Variants in ATRNL1 observed in about 807,000 individuals in gnomAD.
ATRNL1 encodes attractin-like protein 1.
A neutral mutation model predicts 182.7 loss-of-function variants in ATRNL1; 95 were observed. That is an observed-to-expected ratio of 0.52 (90% CI 0.44 to 0.62). The LOEUF is 0.62. Among genes scored for constraint, ATRNL1 ranks in the 20% least tolerant of loss-of-function variants. The pLI is 0.00. For synonymous variants in ATRNL1, 576 were observed against 568.3 expected, an observed-to-expected ratio of 1.01 and a Z score of -0.19; for missense variants, 1,471 against 1,679.5, an observed-to-expected ratio of 0.88 and a Z score of 2.17.
chr10:115,560,136 G>A (rs1853609186), intron 26 of ATRNL1, among the ~76,000 whole-genome samples: 1 of 152,056 alleles, frequency 6.6e-6, no homozygotes, highest in African/African-American at 2.4e-5. Flanking sequence ...ATTCAAAATA[G>A]CATCAATAAG....
At chr10:115,580,306 C>T (rs1292473221) in intron 26 of ATRNL1, among the ~76,000 whole-genome samples, 1 of 152,064 alleles carries the variant, frequency 6.6e-6, no homozygotes, top group Non-Finnish European at 1.5e-5. Flanking sequence ...GATAAACTTC[C>T]TCAGCTTTTG....
intron 5 of ATRNL1, among the ~76,000 whole-genome samples, chr10:115,142,945 A>G (rs1343129732): frequency 6.6e-6 from 1 of 152,182 alleles, no homozygotes; most frequent in Non-Finnish European, 1.5e-5. Flanking sequence ...TAGGAAGAAT[A>G]TTTGGTTATG....
intron 28 of ATRNL1, among the ~76,000 whole-genome samples, chr10:115,856,427 T>TAAAAAAAAAAAAA (rs1951183589): frequency 2.6e-3 from 1 of 384 alleles, no homozygotes; most frequent in Non-Finnish European, 9.3e-3. Flanking sequence ...AAGCTCCATC[T>TAAAAAAAAAAAAA]CAAAAAAAAA....
At chr10:115,810,896 T>C (rs976090071) in intron 27 of ATRNL1, among the ~76,000 whole-genome samples, 2 of 151,942 alleles carry the variant, frequency 1.3e-5, no homozygotes, top group Non-Finnish European at 2.9e-5. Context: ...TTGGTCTGTC[T>C]GGCTAGAGAT....
chr10:115,542,475 A>G (rs1852415447), intron 25 of ATRNL1, among the ~76,000 whole-genome samples: 2 of 152,070 alleles, frequency 1.3e-5, no homozygotes, highest in African/African-American at 4.8e-5. Context: ...TGCATCGTCA[A>G]TGTTTGGTAA....
intron 25 of ATRNL1, among the ~76,000 whole-genome samples, chr10:115,535,798 CT>C (rs1434780227): frequency 1.3e-5 from 2 of 152,030 alleles, no homozygotes; most frequent in Admixed American, 6.6e-5. Flanking sequence ...TGTGGATGTC[CT>C]TTCTGTTTGT....
intron 24 of ATRNL1, among the ~76,000 whole-genome samples, chr10:115,490,866 T>C (rs1232517738): frequency 6.6e-6 from 1 of 152,186 alleles, no homozygotes; most frequent in Non-Finnish European, 1.5e-5. Context: ...CTTCGTGTAT[T>C]TATCTACCTT....
chr10:115,813,964 A>G (rs2134263617), intron 27 of ATRNL1, among the ~76,000 whole-genome samples: 1 of 152,294 alleles, frequency 6.6e-6, no homozygotes, highest in South Asian at 2.1e-4. Context: ...TTTATAAGTT[A>G]TCTTTTTTAA....
At chr10:115,657,136 T>A (rs1593019623) in intron 26 of ATRNL1, among the ~76,000 whole-genome samples, 1 of 152,238 alleles carries the variant, frequency 6.6e-6, no homozygotes, top group Non-Finnish European at 1.5e-5. Context: ...ATATACATGA[T>A]TTTAAAAAAA....
intron 22 of ATRNL1, 64 bp from the exon 23 acceptor site, chr10:115,467,110 G>C: frequency 1.1e-6 from 1 of 876,874 alleles, no homozygotes; most frequent in South Asian, 1.5e-5. Context: ...TAAATCAGTA[G>C]ACTAAATCAT....
At chr10:115,879,304 T>TAAAAAAAA (rs782393349) in intron 28 of ATRNL1, among the ~76,000 whole-genome samples, 1 of 7,092 alleles carries the variant, frequency 1.4e-4, no homozygotes, top group African/African-American at 5.4e-4. Context: ...ACTCTCTATC[T>TAAAAAAAA]CAAAAAAAAA....
At chr10:115,616,700 G>A (rs1242071894) in intron 26 of ATRNL1, among the ~76,000 whole-genome samples, 1 of 152,184 alleles carries the variant, frequency 6.6e-6, no homozygotes, top group Non-Finnish European at 1.5e-5. Flanking sequence ...AAAGGACCGA[G>A]GTACAGCTCA....
intron 26 of ATRNL1, among the ~76,000 whole-genome samples, chr10:115,675,913 C>T (rs188598101): frequency 9.2e-5 from 14 of 152,136 alleles, no homozygotes; most frequent in Admixed American, 7.2e-4. Flanking sequence ...AAGTCGAGAT[C>T]GCAGGAATCC....
intron 19 of ATRNL1, among the ~76,000 whole-genome samples, chr10:115,374,510 T>C (rs1182874384): frequency 2.0e-5 from 3 of 148,396 alleles, no homozygotes; most frequent in Non-Finnish European, 4.5e-5. Flanking sequence ...TCTTCCTCCT[T>C]CTTCCTTCTT....
chr10:115,169,986 A>G (rs534812447), intron 7 of ATRNL1, among the ~76,000 whole-genome samples: 6 of 152,106 alleles, frequency 3.9e-5, no homozygotes, highest in Non-Finnish European at 7.4e-5. Context: ...TTGTACATTG[A>G]TCTTATGTTC....
chr10:115,227,348 C>A (rs1849742926), intron 9 of ATRNL1, among the ~76,000 whole-genome samples: 1 of 151,966 alleles, frequency 6.6e-6, no homozygotes, highest in African/African-American at 2.4e-5. Flanking sequence ...TAGAGAAATG[C>A]AAATGAGGTA....
At chr10:115,180,719 C>G (rs1413510175) in intron 8 of ATRNL1, among the ~76,000 whole-genome samples, 1 of 151,798 alleles carries the variant, frequency 6.6e-6, no homozygotes, top group Non-Finnish European at 1.5e-5. Flanking sequence ...AAGTATAGAC[C>G]AAGGGTTTTA....
At chr10:115,680,806 G>C (rs575088827) in intron 26 of ATRNL1, among the ~76,000 whole-genome samples, 36 of 152,242 alleles carry the variant, frequency 2.4e-4, no homozygotes, top group African/African-American at 7.2e-4. Context: ...GTGGACTATA[G>C]AAAACAAGTG....
At chr10:115,096,772 C>T (rs1222389413) in intron 1 of ATRNL1, 2 of 1,258,934 alleles carry the variant, frequency 1.6e-6, no homozygotes, top group Non-Finnish European at 2.0e-6. Context: ...AGCATTGATT[C>T]CAGTCTTCTG....
Sources: allele counts gnomAD v4.1 joint callset (sites outside exome capture counted in the v4.1 genomes callset), GRCh38; gene constraint gnomAD v4.1.1; transcripts MANE v1.5; gene names NCBI Gene and HGNC (gene_info 2026-07-23, HGNC 2026-07-21).